The following PIH1D2 variants were observed in gnomAD, a reference collection of about 807,000 sequenced individuals.
The protein encoded by PIH1D2 is PIH1 domain containing 2.
A neutral mutation model predicts 31.2 loss-of-function variants in PIH1D2; 25 were observed. The ratio of observed to expected loss-of-function variants is 0.80; its 90% CI spans 0.58 to 1.12. The LOEUF (loss-of-function observed/expected upper bound fraction) is 1.12, where lower values mean the gene tolerates loss of function less well. Ranked by LOEUF, PIH1D2 falls within the 50% of genes most tolerant of loss-of-function variation. The pLI is 0.00. For synonymous variants in PIH1D2, 116 were observed against 119.9 expected, an observed-to-expected ratio of 0.97 and a Z score of 0.21; for missense variants, 310 against 356.6, an observed-to-expected ratio of 0.87 and a Z score of 1.05.
chr11:112,067,429 C>T (rs587769710), downstream of PIH1D2, among the ~76,000 whole-genome samples: 140 of 150,096 alleles, frequency 9.3e-4, 1 homozygote, highest in African/African-American at 3.1e-3. Flanking sequence ...TTTGGGAGGC[C>T]GAGGCAGGTG....
Position 112,070,485 on chromosome 11 carries a change from T to C in PIH1D2, c.764A>G (p.Glu255Gly). ...AGAGACAGAATTAATACCAGGTAAT[T>C]CAACTTTCAACTCAATTTTCAGAGG... The part of the protein sequence containing the change: ...EKPLKIELKV[E>G]LPGINSVSLC... Residue 255 changes from glutamate (E) to glycine (G), a missense_variant, in exon 5 of 6, where the codon GAA (glutamate) becomes GGA (glycine). By Grantham distance (98) the Glu-to-Gly change is moderately conservative. Coordinates refer to ENST00000280350, the MANE Select transcript of PIH1D2 (RefSeq NM_138789.4). The C allele has an allele frequency of 7.4e-6, 12 of 1,614,090 alleles. No individual in the cohort carries two copies. The highest frequency in any genetic ancestry group is 1.0e-5 in the Non-Finnish European group (12 of 1,179,976).
downstream of PIH1D2, chr11:112,061,426 G>A (rs913419927): frequency 2.1e-5 from 9 of 437,684 alleles, no homozygotes; most frequent in Admixed American, 1.2e-4. Flanking sequence ...TGTAGTGCCC[G>A]GTGTGCAGCA....
downstream of PIH1D2, among the ~76,000 whole-genome samples, chr11:112,058,859 C>A (rs1287883774): frequency 6.6e-6 from 1 of 151,996 alleles, no homozygotes; most frequent in Non-Finnish European, 1.5e-5. Flanking sequence ...TGAGTGAATA[C>A]AGAAGCACAT....
chr11:112,067,374 TA>T (rs1260799368), downstream of PIH1D2, among the ~76,000 whole-genome samples: 1 of 150,952 alleles, frequency 6.6e-6, no homozygotes, highest in African/African-American at 2.4e-5. Flanking sequence ...TTAAAAAATA[TA>T]AGACATGGCC....
At chr11:112,054,560 C>T in the PIH1D2 span, among the ~76,000 whole-genome samples, 1 of 152,092 alleles carries the variant, frequency 6.6e-6, no homozygotes, top group African/African-American at 2.4e-5. Context: ...ATTCAGAAAC[C>T]ATTAAACCAT....
At chr11:112,064,163 A>G (rs782110826), downstream of PIH1D2, 44 of 1,562,878 alleles carry the variant, frequency 2.8e-5, no homozygotes, top group Non-Finnish European at 3.5e-5. Context: ...ATCTGGTTCA[A>G]ACATTCAAAA....
intron 1 of PIH1D2, among the ~76,000 whole-genome samples, chr11:112,073,443 C>T (rs1865213134): frequency 6.6e-6 from 1 of 152,088 alleles, no homozygotes; most frequent in South Asian, 2.1e-4. Context: ...TGGACCCTGA[C>T]AAGTCAGAGT....
downstream of PIH1D2, among the ~76,000 whole-genome samples, chr11:112,066,007 AATT>A (rs1444163045): frequency 2.0e-5 from 3 of 152,164 alleles, no homozygotes; most frequent in African/African-American, 7.2e-5. Flanking sequence ...AAAAAAAAAA[AATT>A]ATATTTGCTT....
downstream of PIH1D2, among the ~76,000 whole-genome samples, chr11:112,066,595 G>A (rs1555183867): frequency 6.7e-6 from 1 of 150,034 alleles, no homozygotes; most frequent in South Asian, 2.1e-4. Context: ...CTGAGATTGC[G>A]CCACTGCATT....
chr11:112,071,105 T>C lies in PIH1D2; in HGVS notation c.480A>G (p.Gln160=), dbSNP rs782563738. The C allele has an allele frequency of 1.9e-6, 3 of 1,613,856 alleles. No homozygotes were observed. Among genetic ancestry groups the C allele is most frequent in the African/African-American group, 1.3e-5 (1 of 75,040 alleles). Residue 160 remains glutamine, a synonymous_variant, in exon 4 of 6, where the codon CAA becomes CAG. Transcript: ENST00000280350. ...TTCCCATCAGATTTTGTTTCATTCTTTGAATGCTTCCTTTTATTCTAAATT... is the reference window on the plus strand; with the variant it reads ...TTCCCATCAGATTTTGTTTCATTCTCTGAATGCTTCCTTTTATTCTAAATT... ...ITKFRIKGSI[Q]RMKQNLMGIQ...
At chr11:112,054,424 T>C in the PIH1D2 span, among the ~76,000 whole-genome samples, 1 of 152,208 alleles carries the variant, frequency 6.6e-6, no homozygotes, top group Non-Finnish European at 1.5e-5. Context: ...ACAGTGATTG[T>C]GTATGACTAA....
the PIH1D2 span, among the ~76,000 whole-genome samples, chr11:112,056,734 T>G: frequency 6.6e-6 from 1 of 152,246 alleles, no homozygotes; most frequent in Admixed American, 6.5e-5. Context: ...TGTTTAATTT[T>G]TAGAGAAACT....
chr11:112,054,749 C>A, the PIH1D2 span, among the ~76,000 whole-genome samples: 3 of 152,122 alleles, frequency 2.0e-5, no homozygotes, highest in African/African-American at 4.8e-5. Flanking sequence ...TCTCACAGTT[C>A]GGGAAACAAG....
the PIH1D2 span, among the ~76,000 whole-genome samples, chr11:112,056,016 T>A: frequency 6.6e-6 from 1 of 151,044 alleles, no homozygotes; most frequent in Non-Finnish European, 1.5e-5. Flanking sequence ...TACAGGCACA[T>A]GCCACCACAC....
chr11:112,060,120 C>A, downstream of PIH1D2: 21 of 1,292,262 alleles, frequency 1.6e-5, no homozygotes, highest in Non-Finnish European at 2.2e-5. Context: ...TTGCATAATG[C>A]ATTTATTGCA....
chr11:112,059,613 A>C (rs1864411397), downstream of PIH1D2, among the ~76,000 whole-genome samples: 1 of 152,134 alleles, frequency 6.6e-6, no homozygotes, highest in African/African-American at 2.4e-5. Flanking sequence ...GGCTGGTCTC[A>C]AACTACTGAC....
chr11:112,070,847 C>A, intron 4 of PIH1D2, 146 bp from the exon 5 acceptor site: 1 of 1,232,924 alleles, frequency 8.1e-7, no homozygotes, highest in South Asian at 1.7e-5. Flanking sequence ...GAATCTTAAA[C>A]CAAAGAATTT....
chr11:112,070,651 A>G lies in PIH1D2; in HGVS notation c.598T>C (p.Phe200Leu). 1 of 1,614,148 alleles carries G rather than the reference A, an allele frequency of 6.2e-7. No homozygotes were observed. Among genetic ancestry groups the G allele is most frequent in the Non-Finnish European group, 8.5e-7 (1 of 1,180,002 alleles). The change falls in exon 5 of 6, where the codon TTT becomes CTT. Residue 200 changes from phenylalanine to leucine, a missense_variant. Phe to Leu is a conservative substitution (Grantham distance 22). Transcript: ENST00000280350. ...TCTTTTGGCAGTAACAGTTGAGGAA[A>G]GTGATCTGGATTGCTCATAGTACTG... ...RSSTMSNPDH[F>L]PQLLLPKDQV...
chr11:112,070,380 T>A (rs1555184369), intron 5 of PIH1D2, 56 bp downstream of exon 5: 13 of 1,563,044 alleles, frequency 8.3e-6, no homozygotes, highest in Non-Finnish European at 1.1e-5. Flanking sequence ...TGTGGCATAA[T>A]ATATGTTAGT....
Sources: allele counts gnomAD v4.1 joint callset (sites outside exome capture counted in the v4.1 genomes callset), GRCh38; gene constraint gnomAD v4.1.1; transcripts MANE v1.5; gene names NCBI Gene and HGNC (gene_info 2026-07-23, HGNC 2026-07-21).